RFTN1: variants seen among roughly 807,000 people sequenced by gnomAD.
RFTN1 encodes the protein raftlin, lipid raft linker 1, also known as raftlin.
RFTN1 carries 26 observed loss-of-function variants against 46.5 expected under a neutral mutation model. The observed-to-expected ratio is 0.56, with a 90% CI of 0.41 to 0.78. RFTN1 has a LOEUF of 0.78. Among genes scored for constraint, RFTN1 ranks in the 30% least tolerant of loss-of-function variants. RFTN1 has a pLI of 0.00. For synonymous variants in RFTN1, 261 were observed against 284.2 expected, an observed-to-expected ratio of 0.92 and a Z score of 0.82; for missense variants, 693 against 718.7, an observed-to-expected ratio of 0.96 and a Z score of 0.41.
At chr3:16,379,206 T>C (rs1233731529) in intron 4 of RFTN1, among the ~76,000 whole-genome samples, 1 of 152,238 alleles carries the variant, frequency 6.6e-6, no homozygotes, top group African/African-American at 2.4e-5. Flanking sequence ...GTATTCTCTC[T>C]AAAGGAGAAG....
chr3:16,409,200 G>A (rs527933831), intron 4 of RFTN1, among the ~76,000 whole-genome samples, 175 bp downstream of exon 4: 1 of 152,316 alleles, frequency 6.6e-6, no homozygotes, highest in East Asian at 1.9e-4. Flanking sequence ...TAGCCATCTT[G>A]TTCCAGAGTC....
In RFTN1 at chr3:16,475,628, C is replaced by T. The variant is rs1401694510; in HGVS notation, c.145+18097G>A. 6.6e-6 allele frequency among the ~76,000 whole-genome samples: 1 copy of T among 152,168 alleles called. No individual in the cohort carries two copies. The highest frequency in any genetic ancestry group is 1.5e-5 in the Non-Finnish European group (1 of 68,032). On this transcript the variant is annotated intron_variant, in intron 2 of 9. Transcript: ENST00000334133. The surrounding 1 kb of genome is among the most constrained non-coding windows in gnomAD (Gnocchi z 4.2). The stretch of plus-strand genomic sequence containing the variant: ...CACCTGGAGAGTCTCTAGAGTGCCT[C>T]TTGGTACTTCCATGTCCAAGAGTAA...
At chr3:16,405,020 A>G (rs2074818046) in intron 4 of RFTN1, among the ~76,000 whole-genome samples, 1 of 152,156 alleles carries the variant, frequency 6.6e-6, no homozygotes, top group South Asian at 2.1e-4. Flanking sequence ...GAAAACTTCA[A>G]AGTGCTCTCC....
intron 7 of RFTN1, among the ~76,000 whole-genome samples, chr3:16,333,670 CATATG>C (rs988696377): frequency 2.3e-4 from 35 of 151,962 alleles, no homozygotes; most frequent in African/African-American, 6.3e-4. Flanking sequence ...CATAAAAACT[CATATG>C]ATATAAAAGA....
intron 1 of RFTN1, among the ~76,000 whole-genome samples, chr3:16,508,502 T>C (rs1282305080): frequency 6.6e-6 from 1 of 152,208 alleles, no homozygotes; most frequent in Non-Finnish European, 1.5e-5. Flanking sequence ...AACTGAATTC[T>C]TATTTGGAGA....
intron 6 of RFTN1, among the ~76,000 whole-genome samples, chr3:16,368,778 A>C (rs1193743490): frequency 1.3e-5 from 2 of 152,204 alleles, no homozygotes; most frequent in African/African-American, 4.8e-5. Context: ...AAACTTAATG[A>C]AAGTTAAATG....
chr3:16,382,340 G>T lies in RFTN1; in HGVS notation c.442-4238C>A, dbSNP rs1462947731. Among the ~76,000 whole-genome samples, 1 of 152,166 alleles carries T rather than the reference G, an allele frequency of 6.6e-6. No individual in the cohort carries two copies. The highest frequency in any genetic ancestry group is 2.4e-5 in the African/African-American group (1 of 41,418). On this transcript the variant is annotated intron_variant, in intron 4 of 9. Coordinates refer to ENST00000334133, the MANE Select transcript of RFTN1 (RefSeq NM_015150.2). This position sits in a 1 kb window ranked among gnomAD's most constrained non-coding sequence, Gnocchi z 4.7. ...TACAGTTCTGTCTTACCCTAGTATA[G>T]ACACTTTCCTCTTTTTCAGAAAGTC...
intron 2 of RFTN1, among the ~76,000 whole-genome samples, chr3:16,444,015 A>G (rs892564712): frequency 1.3e-5 from 2 of 152,228 alleles, no homozygotes; most frequent in African/African-American, 4.8e-5. Context: ...AAAGCAACCC[A>G]CTAGATATGG....
In RFTN1 at chr3:16,384,091, A is replaced by C. The variant is rs2074084444; in HGVS notation, c.442-5989T>G. ...TAATCAGGTGAAGGCTTTAAGAGCC[A>C]AGACTGAGATTTCCCAAAGGAAAAA... On this transcript the variant is annotated intron_variant, in intron 4 of 9. Coordinates refer to ENST00000334133, the MANE Select transcript of RFTN1 (RefSeq NM_015150.2). The surrounding 1 kb of genome is among the most constrained non-coding windows in gnomAD (Gnocchi z 4.7). Among the ~76,000 whole-genome samples the C allele has an allele frequency of 6.6e-6, 1 of 152,242 alleles. No homozygotes were observed. Among genetic ancestry groups the C allele is most frequent in the Non-Finnish European group, 1.5e-5 (1 of 68,048 alleles).
chr3:16,377,783 A>T lies in RFTN1; in HGVS notation c.761T>A (p.Val254Glu). 6.2e-7 allele frequency: 1 copy of T among 1,613,582 alleles called. No homozygotes were observed. ...GDGGELSPQG[V>E]SKTLDGPESN... ...CTCCGGTCCATCCAGTGTCTTGCTCACCCCCTGTGGTGAAAGTTCTCCACC... is the reference window on the plus strand; with the variant it reads ...CTCCGGTCCATCCAGTGTCTTGCTCTCCCCCTGTGGTGAAAGTTCTCCACC... The change falls in exon 5 of 10, where the codon GTG becomes GAG. Residue 254 changes from valine (V) to glutamate (E), a missense_variant. Val to Glu is a moderately radical substitution (Grantham distance 121). Coordinates refer to ENST00000334133, the MANE Select transcript of RFTN1 (RefSeq NM_015150.2).
chr3:16,405,173 C>T lies in RFTN1; in HGVS notation c.441+4202G>A, dbSNP rs968583120. Among the ~76,000 whole-genome samples, 16 of 152,254 alleles carry T rather than the reference C, an allele frequency of 1.1e-4. No homozygotes were observed. The South Asian group carries it at 1.7e-3, about 16-fold the overall frequency. On this transcript the variant is annotated intron_variant, in intron 4 of 9. Coordinates refer to ENST00000334133, the MANE Select transcript of RFTN1 (RefSeq NM_015150.2). Reference sequence around the variant, plus strand: ...GAGTGGGAAATTCCAGAGGCCCCCACGGACCTGCCAGCCACACAGTCTCCA... The same window carrying T: ...GAGTGGGAAATTCCAGAGGCCCCCATGGACCTGCCAGCCACACAGTCTCCA...
rs763446016 is a variant in RFTN1, at chr3:16,370,345, G to T, written c.827-66C>A. On this transcript the variant is annotated intron_variant, in intron 5 of 9. Coordinates refer to ENST00000334133, the MANE Select transcript of RFTN1 (RefSeq NM_015150.2). This position sits in a 1 kb window ranked among gnomAD's most constrained non-coding sequence, Gnocchi z 5.5. The stretch of plus-strand genomic sequence containing the variant: ...ACTGATGATAAAAATCTGTTTCATC[G>T]GCTTAAGTGGAATCTCTCAGGAGCC... 2 of 1,452,344 alleles carry T rather than the reference G, an allele frequency of 1.4e-6. No homozygotes were observed. The highest frequency in any genetic ancestry group is 1.1e-5 in the South Asian group (1 of 87,398). 90.0% of individuals were successfully genotyped at this position (1,452,344 alleles called of 1,614,324 possible).
rs1367328853 is a variant in RFTN1 at position 16,383,983 on chromosome 3, G to C, written c.442-5881C>G. On this transcript the variant is annotated intron_variant, in intron 4 of 9. Transcript: ENST00000334133. This position sits in a 1 kb window ranked among gnomAD's most constrained non-coding sequence, Gnocchi z 4.0. ...CTCTAGTCTAGATGTTGCTGTAAAG[G>C]TATTTTTTAAATGTGTGATTAACAT... Among the ~76,000 whole-genome samples the C allele has an allele frequency of 6.6e-6, 1 of 152,238 alleles. No homozygotes were observed. Among genetic ancestry groups the C allele is most frequent in the African/African-American group, 2.4e-5 (1 of 41,460 alleles).
At chr3:16,492,931 C>T (rs978204738) in intron 2 of RFTN1, among the ~76,000 whole-genome samples, 3 of 152,324 alleles carry the variant, frequency 2.0e-5, no homozygotes, top group Non-Finnish European at 2.9e-5. Context: ...CCAGTCTTCT[C>T]GGGCTATTCC....
chr3:16,350,559 T>TGTCAAG (rs1398614674), intron 7 of RFTN1, among the ~76,000 whole-genome samples: 1 of 152,104 alleles, frequency 6.6e-6, no homozygotes, highest in African/African-American at 2.4e-5. Context: ...GGTGTGTAAC[T>TGTCAAG]GTCAAGGTGA....
At position 16,322,753 on chromosome 3, in the gene RFTN1, T is replaced by C. The variant is rs2069216911; in HGVS notation, c.1332+623A>G. ...AGAAGACTCTCTGAGAAGGCCAGTCTCTGTGCGACTGTTTCTAGGGTAGTT... is the reference window on the plus strand; with the variant it reads ...AGAAGACTCTCTGAGAAGGCCAGTCCCTGTGCGACTGTTTCTAGGGTAGTT... On this transcript the variant is annotated intron_variant, in intron 9 of 9. Coordinates refer to ENST00000334133, the MANE Select transcript of RFTN1 (RefSeq NM_015150.2). The surrounding 1 kb of genome is among the most constrained non-coding windows in gnomAD (Gnocchi z 6.2). Among the ~76,000 whole-genome samples, 1 of 152,092 alleles carries C rather than the reference T, an allele frequency of 6.6e-6. No individual in the cohort carries two copies.
At position 16,499,467 on chromosome 3, in the gene RFTN1, G is replaced by A. The variant is rs1474479661; in HGVS notation, c.-8-5590C>T. ...AGAGGGGCCCATGTGGAGAGGAACC[G>A]ACAGCCAGGACCAACTTGCTGGCCA... On this transcript the variant is annotated intron_variant, in intron 1 of 9. Transcript: ENST00000334133. The surrounding 1 kb of genome is among the most constrained non-coding windows in gnomAD (Gnocchi z 4.9). Among the ~76,000 whole-genome samples the A allele has an allele frequency of 2.6e-5, 4 of 152,206 alleles. No individual in the cohort carries two copies. Among genetic ancestry groups the A allele is most frequent in the South Asian group, 4.1e-4 (2 of 4,832 alleles).
chr3:16,438,412 C>T (rs1267288065), intron 2 of RFTN1, among the ~76,000 whole-genome samples: 1 of 151,660 alleles, frequency 6.6e-6, no homozygotes, highest in Non-Finnish European at 1.5e-5. Context: ...TGGTGAAACC[C>T]TGTCTCTACC....
chr3:16,324,135 G>A (rs972714636), intron 8 of RFTN1, among the ~76,000 whole-genome samples: 8 of 152,086 alleles, frequency 5.3e-5, no homozygotes, highest in African/African-American at 1.9e-4. Context: ...CCACCCTTCT[G>A]ATGATTTTGT....
Sources: allele counts gnomAD v4.1 joint callset (sites outside exome capture counted in the v4.1 genomes callset), GRCh38; gene constraint gnomAD v4.1.1; non-coding constraint Gnocchi (gnomAD v3.1); transcripts MANE v1.5; gene names NCBI Gene and HGNC (gene_info 2026-07-23, HGNC 2026-07-21).